The following AFF1 variants were observed in gnomAD, a reference collection of about 807,000 sequenced individuals.
The protein encoded by AFF1 is AF4/FMR2 family member 1.
AFF1 carries 48 observed loss-of-function variants against 121.7 expected under a neutral mutation model. That is an observed-to-expected ratio of 0.39 (90% CI 0.31 to 0.50). The LOEUF (loss-of-function observed/expected upper bound fraction) is 0.50. AFF1 is among the 20% of genes least tolerant of loss of function. The pLI is 0.76. For synonymous variants in AFF1, 613 were observed against 563.0 expected (o/e 1.09, Z -1.26); for missense variants, 1,523 against 1,511.7 (o/e 1.01, Z -0.12).
At chr4:86,971,916 C>G (rs1194437034) in intron 2 of AFF1, among the ~76,000 whole-genome samples, 1 of 152,026 alleles carries the variant, frequency 6.6e-6, no homozygotes, top group African/African-American at 2.4e-5. Flanking sequence ...ACTGGAGGAT[C>G]ACTTGAGCCC....
chr4:87,116,370 A>G (rs1727123881), intron 12 of AFF1, among the ~76,000 whole-genome samples: 3 of 152,086 alleles, frequency 2.0e-5, no homozygotes, highest in African/African-American at 7.2e-5. Flanking sequence ...TTGCTTTTTC[A>G]TGATGATGAA....
At chr4:87,050,499 C>A (rs1731161000) in intron 4 of AFF1, among the ~76,000 whole-genome samples, 2 of 152,156 alleles carry the variant, frequency 1.3e-5, no homozygotes, top group African/African-American at 4.8e-5. Flanking sequence ...TCTTTACTCC[C>A]TGTCCTTTCC....
At position 87,054,693 on chromosome 4, in the gene AFF1, C is replaced by T. The variant is rs185858334; in HGVS notation, c.1059+7099C>T. On this transcript the variant is annotated intron_variant, in intron 4 of 20. Coordinates refer to ENST00000395146, the MANE Select transcript of AFF1 (RefSeq NM_001166693.3). ...TGCCTGGAGCAGACGACTTCCAAAC[C>T]GCTTGTAAGAAAGCATGAAGAATAA... Among the ~76,000 whole-genome samples the T allele has an allele frequency of 3.4e-3, 510 of 152,220 alleles. 6 individuals carry two copies. The highest frequency in any genetic ancestry group is 0.012 in the African/African-American group (487 of 41,526).
intron 4 of AFF1, among the ~76,000 whole-genome samples, chr4:87,056,106 C>T (rs1034486895): frequency 8.6e-5 from 13 of 151,866 alleles, no homozygotes; most frequent in African/African-American, 1.2e-4. Context: ...TTCCTAACCC[C>T]GTGGTAATTT....
intron 12 of AFF1, among the ~76,000 whole-genome samples, chr4:87,118,241 C>A (rs1454265196): frequency 6.6e-6 from 1 of 152,112 alleles, no homozygotes; most frequent in African/African-American, 2.4e-5. Context: ...TGAAGATGAT[C>A]ATAAAGAGTT....
chr4:87,136,238 A>G lies in AFF1; in HGVS notation c.*537A>G, dbSNP rs1040275415. On this transcript the variant is annotated 3_prime_UTR_variant, in exon 21 of 21. Transcript: ENST00000395146. ...GGCCATCTGTAAACCATAAGTAATGAAGGACTCCACTGTGCCCCACTTTCT... is the reference window on the plus strand; with the variant it reads ...GGCCATCTGTAAACCATAAGTAATGGAGGACTCCACTGTGCCCCACTTTCT... The G allele has an allele frequency of 1.3e-5, 3 of 231,840 alleles. No homozygotes were observed. Among genetic ancestry groups the G allele is most frequent in the African/African-American group, 6.6e-5 (3 of 45,234 alleles). The allele number at this position is 231,840 out of a possible 1,614,324, so 14.4% of individuals were successfully genotyped here.
intron 4 of AFF1, among the ~76,000 whole-genome samples, chr4:87,068,960 A>G (rs1721669297): frequency 1.3e-5 from 2 of 152,180 alleles, no homozygotes; most frequent in Admixed American, 6.5e-5. Context: ...CAGCTGCCCC[A>G]CAGTAAGTAT....
At chr4:87,006,738 G>A (rs2149527743) in intron 2 of AFF1, among the ~76,000 whole-genome samples, 1 of 152,326 alleles carries the variant, frequency 6.6e-6, no homozygotes, top group Middle Eastern at 3.4e-3. Flanking sequence ...CCAGCGGTGG[G>A]TGTCTGTACG....
intron 5 of AFF1, among the ~76,000 whole-genome samples, chr4:87,085,632 T>A (rs927219441): frequency 2.0e-5 from 3 of 152,204 alleles, no homozygotes; most frequent in African/African-American, 7.2e-5. Flanking sequence ...TGTGAAATTT[T>A]TGACAGTAGT....
intron 4 of AFF1, among the ~76,000 whole-genome samples, chr4:87,075,359 T>A (rs1422339967): frequency 6.6e-6 from 1 of 152,170 alleles, no homozygotes; most frequent in East Asian, 1.9e-4. Flanking sequence ...TATATTCACT[T>A]ATATGTACAC....
chr4:87,114,374 C>T lies in AFF1; in HGVS notation c.1541C>T (p.Pro514Leu). Residue 514 changes from proline (P) to leucine (L), a missense_variant, in exon 12 of 21, where the codon CCT becomes CTT. Pro to Leu is a moderately conservative substitution (Grantham distance 98, BLOSUM62 -3). Around this residue, in one of 5 missense-constraint regions of AFF1, gnomAD observed 905 missense variants for 842.5 expected, o/e 1.07. Transcript: ENST00000395146. ...TTCTTTCCTTATTTTTAGCCTGAGC[C>T]TCCAACAACAAACAAATGGCAGCTG... ...PLETPAPEPE[P>L]PTTNKWQLDN... The T allele has an allele frequency of 6.3e-7, 1 of 1,590,820 alleles. No homozygotes were observed. Among genetic ancestry groups the T allele is most frequent in the Non-Finnish European group, 8.5e-7 (1 of 1,174,126 alleles).
chr4:87,006,772 A>G (rs910338541), intron 2 of AFF1, among the ~76,000 whole-genome samples: 2 of 152,090 alleles, frequency 1.3e-5, no homozygotes, highest in Admixed American at 1.3e-4. Context: ...GCAAGAGAGC[A>G]CTCTCGAGGA....
At chr4:87,049,015 TAAAG>T (rs1270948025) in intron 4 of AFF1, among the ~76,000 whole-genome samples, 5 of 126,990 alleles carry the variant, frequency 3.9e-5, no homozygotes, top group Non-Finnish European at 4.8e-5. Flanking sequence ...ATTCAGGCAA[TAAAG>T]AACTCAATGA....
At chr4:87,108,435 A>G (rs1286343611) in intron 11 of AFF1, 120 bp downstream of exon 11, 44 of 1,086,922 alleles carry the variant, frequency 4.0e-5, no homozygotes, top group Non-Finnish European at 5.4e-5. Flanking sequence ...CCATGGGGCA[A>G]TGCTTTCCTG....
chr4:87,030,970 G>A lies in AFF1; in HGVS notation c.39-15196G>A, dbSNP rs186770022. Among the ~76,000 whole-genome samples the A allele has an allele frequency of 1.1e-3, 167 of 152,180 alleles. 2 individuals carry two copies. The highest frequency in any genetic ancestry group is 9.8e-3 in the Admixed American group (150 of 15,272). ...ATTCTAAACTCCCACATCCACACTCGGTTCATTTCCCGAAAACTGACAGTT... is the reference window on the plus strand; with the variant it reads ...ATTCTAAACTCCCACATCCACACTCAGTTCATTTCCCGAAAACTGACAGTT... On this transcript the variant is annotated intron_variant, in intron 2 of 20. Transcript: ENST00000395146.
At chr4:86,965,835 C>T (rs1019364407) in intron 2 of AFF1, among the ~76,000 whole-genome samples, 1 of 152,204 alleles carries the variant, frequency 6.6e-6, no homozygotes, top group African/African-American at 2.4e-5. Context: ...ACATGACCTT[C>T]TCATACTAAT....
At chr4:87,074,320 C>T (rs1722440617) in intron 4 of AFF1, among the ~76,000 whole-genome samples, 1 of 151,858 alleles carries the variant, frequency 6.6e-6, no homozygotes, top group Non-Finnish European at 1.5e-5. Context: ...AAAAAAAAAT[C>T]AGTGCCTTTT....
chr4:87,128,783 T>C (rs777291323), intron 16 of AFF1, among the ~76,000 whole-genome samples: 5 of 152,246 alleles, frequency 3.3e-5, no homozygotes, highest in Non-Finnish European at 7.3e-5. Context: ...CAAGCCTCTC[T>C]AGCCCTGTTC....
chr4:87,129,944 A>T (rs761307609), intron 16 of AFF1, among the ~76,000 whole-genome samples: 1 of 150,248 alleles, frequency 6.7e-6, no homozygotes, highest in Admixed American at 6.6e-5. Context: ...TTCCACTTAC[A>T]TCTTTACTAT....
Sources: allele counts gnomAD v4.1 joint callset (sites outside exome capture counted in the v4.1 genomes callset), GRCh38; gene constraint gnomAD v4.1.1; regional missense constraint gnomAD v4.1.1; transcripts MANE v1.5; gene names NCBI Gene and HGNC (gene_info 2026-07-23, HGNC 2026-07-21).